The following KANK1 variants were observed in gnomAD, a reference collection of about 807,000 sequenced individuals.
The protein encoded by KANK1 is KN motif and ankyrin repeat domains 1.
A neutral mutation model predicts 106.2 loss-of-function variants in KANK1; 109 were observed. The ratio of observed to expected loss-of-function variants is 1.03; its 90% confidence interval spans 0.88 to 1.20. The LOEUF is 1.20. Among genes scored for constraint, KANK1 ranks in the 50% most tolerant of loss-of-function variants. The pLI, the probability that KANK1 is intolerant of heterozygous loss-of-function variation, is 0.00. For synonymous variants in KANK1, 873 were observed against 652.2 expected, an observed-to-expected ratio of 1.34 and a Z score of -5.16; for missense variants, 2,399 against 1,710.7, an observed-to-expected ratio of 1.40 and a Z score of -7.10.
Position 742,326 on chromosome 9 carries a change from G to C in KANK1, c.3818G>C (p.Cys1273Ser). Reference sequence around the variant, plus strand: ...GACGAGGGCTCCACGGCCCTCATGTGTGCCAGCGAGCACGGACACGTGGAG... The same window carrying C: ...GACGAGGGCTCCACGGCCCTCATGTCTGCCAGCGAGCACGGACACGTGGAG... ...QDDEGSTALM[C>S]ASEHGHVEIV... The change falls in exon 10 of 12, where the codon TGT becomes TCT. Residue 1273 changes from cysteine (C) to serine (S), a missense_variant. Physicochemically the swap from Cys to Ser is moderately radical, Grantham distance 112 (BLOSUM62 -1). Transcript: ENST00000382297. 1 of 1,614,154 alleles carries C rather than the reference G, an allele frequency of 6.2e-7. No individual in the cohort carries two copies. The highest frequency in any genetic ancestry group is 8.5e-7 in the Non-Finnish European group (1 of 1,180,026).
At chr9:677,128 C>A (rs1816571625) in intron 2 of KANK1, 119 bp downstream of exon 2, 4 of 893,864 alleles carry the variant, frequency 4.5e-6, no homozygotes. Context: ...GATTTCAAAG[C>A]AATTTTCTGT....
intron 1 of KANK1, among the ~76,000 whole-genome samples, chr9:662,619 A>G (rs1347678989): frequency 2.6e-5 from 4 of 152,122 alleles, no homozygotes; most frequent in Non-Finnish European, 4.4e-5. Context: ...AACTATATTT[A>G]GAAAGCTGAA....
intron 10 of KANK1, among the ~76,000 whole-genome samples, chr9:743,677 C>T (rs1450145809): frequency 6.6e-6 from 1 of 151,818 alleles, no homozygotes; most frequent in Admixed American, 6.6e-5. Context: ...CCAGCCTGGG[C>T]AACATAGTGA....
chr9:639,083 C>T (rs571717056), intron 1 of KANK1, among the ~76,000 whole-genome samples: 3 of 152,134 alleles, frequency 2.0e-5, no homozygotes, highest in East Asian at 1.9e-4. Flanking sequence ...CATAAAAACA[C>T]TCTTAGGACA....
At position 713,340 on chromosome 9, in the gene KANK1, G is replaced by C. The variant is rs751379930; in HGVS notation, c.2574G>C (p.Gln858His). ...LAEAFGEPHS[Q>H]MGSLNSQLIS... ...AAGCTTTCGGGGAACCTCACTCACA[G>C]ATGGGCTCCCTCAACTCTCAGCTCA... Residue 858 changes from glutamine to histidine, a missense_variant, in exon 3 of 12, where the codon CAG (glutamine) becomes CAC (histidine). Gln to His is a conservative substitution (Grantham distance 24, BLOSUM62 0). Coordinates refer to ENST00000382297, the MANE Select transcript of KANK1 (RefSeq NM_015158.5). 2 of 1,614,174 alleles carry C rather than the reference G, an allele frequency of 1.2e-6. No homozygotes were observed. The highest frequency in any genetic ancestry group is 3.3e-4 in the Middle Eastern group (2 of 6,050).
At chr9:565,411 A>T (rs1012268628) in intron 1 of KANK1, among the ~76,000 whole-genome samples, 1 of 152,236 alleles carries the variant, frequency 6.6e-6, no homozygotes, top group African/African-American at 2.4e-5. Context: ...AGTCACCCAA[A>T]AGGGTCTTCC....
chr9:707,077 C>G lies in KANK1; in HGVS notation c.38-3727C>G, dbSNP rs7871551. On this transcript the variant is annotated intron_variant, in intron 2 of 11. Transcript: ENST00000382297. ...CACTGCAGCCGGAGGGAGACCTCGC[C>G]GGTGAAAGCTCAGCCTATGGCATCC... 37 of 985,206 alleles carry G rather than the reference C, an allele frequency of 3.8e-5. No homozygotes were observed. The South Asian group carries it at 1.3e-3, about 34-fold the overall frequency. 61.0% of individuals were successfully genotyped at this position (985,206 alleles called of 1,614,324 possible).
chr9:518,762 A>G (rs1260273158), intron 1 of KANK1, among the ~76,000 whole-genome samples: 6 of 151,808 alleles, frequency 4.0e-5, no homozygotes, highest in South Asian at 2.1e-4. Flanking sequence ...CCTGTATGAC[A>G]TACAGTGAAC....
intron 1 of KANK1, among the ~76,000 whole-genome samples, chr9:632,814 C>A (rs374228348): frequency 6.6e-6 from 1 of 152,058 alleles, no homozygotes; most frequent in Non-Finnish European, 1.5e-5. Context: ...CTCTGCCATT[C>A]GAGTAGCTGG....
chr9:681,591 G>GA (rs761322046), intron 2 of KANK1, among the ~76,000 whole-genome samples: 30 of 152,046 alleles, frequency 2.0e-4, no homozygotes, highest in Non-Finnish European at 4.1e-4. Flanking sequence ...GTTGTGCAGG[G>GA]AAAAAAAGAA....
intron 1 of KANK1, among the ~76,000 whole-genome samples, chr9:573,624 G>A (rs1819781391): frequency 2.0e-5 from 3 of 152,068 alleles, no homozygotes; most frequent in African/African-American, 7.2e-5. Flanking sequence ...GTGAGAAAAG[G>A]TGGTGAGGAT....
chr9:518,585 T>C (rs1449634620), intron 1 of KANK1, among the ~76,000 whole-genome samples: 1 of 151,766 alleles, frequency 6.6e-6, no homozygotes, highest in Non-Finnish European at 1.5e-5. Flanking sequence ...AAAGAAATAT[T>C]GATATTGTCA....
At chr9:718,489 T>TATG (rs1828368398) in intron 3 of KANK1, among the ~76,000 whole-genome samples, 3 of 148,096 alleles carry the variant, frequency 2.0e-5, no homozygotes, top group South Asian at 4.4e-4. Context: ...ATTTTTGTAT[T>TATG]TTTAGAGACA....
chr9:654,521 A>AT (rs900174282), intron 1 of KANK1, among the ~76,000 whole-genome samples: 121 of 150,640 alleles, frequency 8.0e-4, no homozygotes, highest in Middle Eastern at 3.4e-3. Context: ...GGACAATAGA[A>AT]TTTTTTTTTT....
At position 481,162 on chromosome 9, in the gene KANK1, C is replaced by T. The variant is rs561672111; in HGVS notation, c.-362+7889C>T. Among the ~76,000 whole-genome samples, 12 of 152,234 alleles carry T rather than the reference C, an allele frequency of 7.9e-5. 1 individual carries two copies. The South Asian group carries it at 2.1e-3, about 26-fold the overall frequency. ...TGAATACTGGACTGGAAGTGAAAAA[C>T]AGAATGATTACACGGTACTTGAAGT... On this transcript the variant is annotated intron_variant, in intron 3 of 15. Transcript: ENST00000382303.
chr9:575,672 A>G (rs1386326906), intron 1 of KANK1, among the ~76,000 whole-genome samples: 2 of 152,068 alleles, frequency 1.3e-5, no homozygotes, highest in East Asian at 1.9e-4. Context: ...CCCTGTCTCA[A>G]AAAAAATTAA....
chr9:574,633 G>C (rs1304464418), intron 1 of KANK1, among the ~76,000 whole-genome samples: 2 of 151,926 alleles, frequency 1.3e-5, no homozygotes, highest in African/African-American at 4.8e-5. Flanking sequence ...GAGGCGGGTG[G>C]ATCCTGAGGT....
At chr9:738,650 TC>T in intron 8 of KANK1, 146 bp downstream of exon 8, 1 of 665,814 alleles carries the variant, frequency 1.5e-6, no homozygotes, top group South Asian at 1.9e-5. Flanking sequence ...GCAAGAATTT[TC>T]TTGAGTCATT....
chr9:576,409 G>T (rs543466314), intron 1 of KANK1, among the ~76,000 whole-genome samples: 4 of 152,328 alleles, frequency 2.6e-5, no homozygotes, highest in African/African-American at 9.6e-5. Context: ...GAAAGCAGAA[G>T]AGGAACCAAT....
Sources: allele counts gnomAD v4.1 joint callset (sites outside exome capture counted in the v4.1 genomes callset), GRCh38; gene constraint gnomAD v4.1.1; transcripts MANE v1.5; gene names NCBI Gene and HGNC (gene_info 2026-07-23, HGNC 2026-07-21).